DIP2B: variants seen among roughly 807,000 people sequenced by gnomAD.
DIP2B encodes disco-interacting protein 2 homolog B.
Under a neutral mutation model 198.0 loss-of-function variants are expected in DIP2B, and 76 were observed. The ratio of observed to expected loss-of-function variants is 0.38; its 90% confidence interval spans 0.32 to 0.46. The LOEUF (loss-of-function observed/expected upper bound fraction) is 0.46, where lower values mean the gene tolerates loss of function less well. DIP2B is among the 20% of genes least tolerant of loss of function. The pLI is 0.99. For missense variants in DIP2B, 1,559 were observed against 1,978.4 expected, an observed-to-expected ratio of 0.79 and a Z score of 4.02; for synonymous variants, 701 against 739.1, an observed-to-expected ratio of 0.95 and a Z score of 0.84.
chr12:50,518,506 G>A (rs1316407019), intron 1 of DIP2B, among the ~76,000 whole-genome samples: 2 of 152,190 alleles, frequency 1.3e-5, no homozygotes, highest in Non-Finnish European at 2.9e-5. Context: ...ACAACGCCCG[G>A]CCCTTGGGCA....
chr12:50,544,529 A>G (rs968151046), intron 1 of DIP2B, among the ~76,000 whole-genome samples: 9 of 152,064 alleles, frequency 5.9e-5, no homozygotes, highest in African/African-American at 2.2e-4. Context: ...GCTGGTCTCA[A>G]ACTCCTGACC....
chr12:50,622,891 C>T (rs1462176028), intron 1 of DIP2B, among the ~76,000 whole-genome samples: 4 of 151,562 alleles, frequency 2.6e-5, no homozygotes, highest in Non-Finnish European at 5.9e-5. Flanking sequence ...GGATTACAGG[C>T]GTGAGCCACC....
In DIP2B at chr12:50,731,522, A is replaced by G. The variant is rs1940042097; in HGVS notation, c.3795A>G (p.Gln1265=). The G allele has an allele frequency of 1.2e-6, 2 of 1,613,326 alleles. No homozygotes were observed. Among genetic ancestry groups the G allele is most frequent in the Non-Finnish European group, 1.7e-6 (2 of 1,179,516 alleles). Residue 1265 remains glutamine (Q), a synonymous_variant, in exon 31 of 38, where the codon CAA becomes CAG. Transcript: ENST00000301180. ...MELCTKGLGN[Q]VEVLKTRGIN... ...TCTGCACCAAAGGTCTTGGGAACCA[A>G]GTGGAAGTGCTAAAGGTAAGAAGCA... is the stretch of plus-strand genomic sequence containing the variant.
chr12:50,601,288 G>A (rs1194340569), intron 1 of DIP2B, among the ~76,000 whole-genome samples: 3 of 151,776 alleles, frequency 2.0e-5, no homozygotes, highest in East Asian at 1.9e-4. Flanking sequence ...TGATGACCAG[G>A]GAAAGTCTTT....
intron 37 of DIP2B, among the ~76,000 whole-genome samples, chr12:50,743,183 A>G (rs1005860009): frequency 6.6e-6 from 1 of 152,078 alleles, no homozygotes; most frequent in Non-Finnish European, 1.5e-5. Flanking sequence ...CCTGGGTTCA[A>G]GCGATTCTTC....
intron 1 of DIP2B, among the ~76,000 whole-genome samples, chr12:50,524,180 ACTT>A (rs943570673): frequency 1.3e-5 from 2 of 152,050 alleles, no homozygotes; most frequent in African/African-American, 2.4e-5. Context: ...TTCTAAATCT[ACTT>A]CTTTCCATGC....
chr12:50,727,527 C>T (rs1939958213), intron 28 of DIP2B, among the ~76,000 whole-genome samples, 176 bp from the exon 29 acceptor site: 1 of 152,166 alleles, frequency 6.6e-6, no homozygotes. Context: ...TAGTGTTGTC[C>T]TCAACCCCAG....
intron 6 of DIP2B, 146 bp downstream of exon 6, chr12:50,674,775 C>T: frequency 2.1e-6 from 2 of 938,654 alleles, no homozygotes; most frequent in South Asian, 1.7e-5. Flanking sequence ...TACCTTTTTT[C>T]CATCATCTGC....
At chr12:50,729,249 G>C (rs1366166136) in intron 30 of DIP2B, among the ~76,000 whole-genome samples, 1 of 152,136 alleles carries the variant, frequency 6.6e-6, no homozygotes, top group East Asian at 1.9e-4. Context: ...TTCTCTCTTT[G>C]TTAGGATAGG....
At position 50,539,322 on chromosome 12, in the gene DIP2B, G is replaced by T. The variant is rs1163651460; in HGVS notation, c.100+34082G>T. Among the ~76,000 whole-genome samples, 5 of 150,358 alleles carry T rather than the reference G, an allele frequency of 3.3e-5. No individual in the cohort carries two copies. In the East Asian group the frequency reaches 9.8e-4, roughly 29 times the overall value. The stretch of plus-strand genomic sequence containing the variant: ...CTCTTATGGAATATTACATACAAAA[G>T]AATATATATAAAGTGTATGCACAGG... On this transcript the variant is annotated intron_variant, in intron 1 of 37. Transcript: ENST00000301180.
chr12:50,702,102 C>A (rs1939427630), intron 19 of DIP2B, among the ~76,000 whole-genome samples: 1 of 152,094 alleles, frequency 6.6e-6, no homozygotes, highest in Non-Finnish European at 1.5e-5. Flanking sequence ...GTAATCCCAG[C>A]ACTTTGGGAG....
At chr12:50,512,516 T>C (rs1389809248) in intron 1 of DIP2B, among the ~76,000 whole-genome samples, 1 of 152,250 alleles carries the variant, frequency 6.6e-6, no homozygotes, top group East Asian at 1.9e-4. Context: ...TTTTGGTCAC[T>C]TCAATTTGAA....
intron 1 of DIP2B, among the ~76,000 whole-genome samples, chr12:50,613,175 C>T (rs955486027): frequency 6.6e-6 from 1 of 152,226 alleles, no homozygotes; most frequent in Non-Finnish European, 1.5e-5. Context: ...AGCTGTCTCT[C>T]ACAGTGTTGT....
At chr12:50,593,727 T>C (rs149752398) in intron 1 of DIP2B, among the ~76,000 whole-genome samples, 1,225 of 5,380 alleles carry the variant, frequency 0.23, 36 homozygotes, top group East Asian at 0.38. Flanking sequence ...TCTCCTCTCC[T>C]CTCCTCTCCT....
At chr12:50,544,410 G>A (rs1161332279) in intron 1 of DIP2B, among the ~76,000 whole-genome samples, 3 of 151,880 alleles carry the variant, frequency 2.0e-5, no homozygotes, top group African/African-American at 7.3e-5. Flanking sequence ...GGGTTCAAGC[G>A]ATTCTCCCGC....
At chr12:50,564,689 A>T (rs1297126082) in intron 1 of DIP2B, among the ~76,000 whole-genome samples, 1 of 151,804 alleles carries the variant, frequency 6.6e-6, no homozygotes, top group Non-Finnish European at 1.5e-5. Flanking sequence ...TGATTTACAG[A>T]GTGTTTTTGT....
chr12:50,623,592 GATT>G (rs1303665721), intron 1 of DIP2B, among the ~76,000 whole-genome samples: 1 of 151,588 alleles, frequency 6.6e-6, no homozygotes, highest in African/African-American at 2.4e-5. Flanking sequence ...TAGCCTTCCA[GATT>G]ATTTTCTGTG....
chr12:50,575,443 C>T (rs928691506), intron 1 of DIP2B, among the ~76,000 whole-genome samples: 16 of 149,370 alleles, frequency 1.1e-4, no homozygotes, highest in East Asian at 4.0e-4. Flanking sequence ...AGTGCAGTGA[C>T]GTGATCATGG....
chr12:50,577,166 C>G (rs189855793), intron 1 of DIP2B, among the ~76,000 whole-genome samples: 10 of 152,238 alleles, frequency 6.6e-5, no homozygotes, highest in Non-Finnish European at 1.3e-4. Flanking sequence ...ACTTTACACT[C>G]TTAAATTATT....
Sources: allele counts gnomAD v4.1 joint callset (sites outside exome capture counted in the v4.1 genomes callset), GRCh38; gene constraint gnomAD v4.1.1; transcripts MANE v1.5; gene names NCBI Gene and HGNC (gene_info 2026-07-23, HGNC 2026-07-21).